The following PPP1R3A variants were observed in gnomAD, a reference collection of about 807,000 sequenced individuals.
The protein encoded by PPP1R3A is RG1.
PPP1R3A carries 29 observed loss-of-function variants against 41.7 expected under a neutral mutation model. The observed-to-expected ratio is 0.70, with a 90% CI of 0.52 to 0.95. The LOEUF (loss-of-function observed/expected upper bound fraction) is 0.95, where lower values mean the gene tolerates loss of function less well. Among genes scored for constraint, PPP1R3A ranks in the 40% least tolerant of loss-of-function variants. The probability of loss-of-function intolerance (pLI) is 0.00; values close to 1 mark genes in which losing one functional copy is unlikely to be tolerated. For missense variants in PPP1R3A, 1,352 were observed against 1,292.4 expected (o/e 1.05, Z -0.71); for synonymous variants, 485 against 453.4 (o/e 1.07, Z -0.89).
In PPP1R3A at chr7:113,878,464, A is replaced by G; in HGVS notation, c.2628T>C (p.Phe876=). Residue 876 remains phenylalanine (F), a synonymous_variant, in exon 4 of 4, where the codon TTT becomes TTC. Coordinates refer to ENST00000284601, the MANE Select transcript of PPP1R3A (RefSeq NM_002711.4). ...CCTGCCTAAGATCTCTGTTTTCTGA[A>G]AATACAGTTTTGTCTGTTGGTAACA... ...LGMLPTDKTV[F]SENRDLRQVQ... 1.9e-6 allele frequency: 3 copies of G among 1,612,970 alleles called. No homozygotes were observed. Among genetic ancestry groups the G allele is most frequent in the Non-Finnish European group, 2.5e-6 (3 of 1,179,694 alleles).
chr7:113,913,210 G>A (rs1208784985), intron 1 of PPP1R3A, among the ~76,000 whole-genome samples: 2 of 152,062 alleles, frequency 1.3e-5, no homozygotes, highest in Non-Finnish European at 2.9e-5. Flanking sequence ...CAAAGGCCTC[G>A]TGGGGCTATT....
rs917846435 is a variant in PPP1R3A, at chr7:113,877,298, A to C, written c.*425T>G. On this transcript the variant is annotated 3_prime_UTR_variant, in exon 4 of 4. Coordinates refer to ENST00000284601, the MANE Select transcript of PPP1R3A (RefSeq NM_002711.4). ...ATGTTCAATACTAAAAGACCAAAAA[A>C]GTCCTCTGCCATTGTCCATGTTTTA... 2 of 154,656 alleles carry C rather than the reference A, an allele frequency of 1.3e-5. No individual in the cohort carries two copies. Among genetic ancestry groups the C allele is most frequent in the Non-Finnish European group, 2.9e-5 (2 of 69,894 alleles). 9.6% of individuals were successfully genotyped at this position (154,656 alleles called of 1,614,324 possible). A position where few individuals can be genotyped will look rare whatever the true frequency, so the allele number is the denominator to read the frequency against.
Position 113,879,439 on chromosome 7 carries a change from A to G in PPP1R3A, c.1653T>C (p.Ser551=). Residue 551 remains serine, a synonymous_variant, in exon 4 of 4, where the codon AGT becomes AGC. Transcript: ENST00000284601. ...QERKMGNPKI[S]VAGIGASNRD... ...TGTTACTAGCTCCAATCCCTGCCAC[A>G]CTTATTTTAGGGTTACCCATCTTCC... The G allele has an allele frequency of 6.2e-7, 1 of 1,613,452 alleles. No homozygotes were observed. Among genetic ancestry groups the G allele is most frequent in the Non-Finnish European group, 8.5e-7 (1 of 1,179,694 alleles).
chr7:113,880,733 C>T (rs1796677883), intron 3 of PPP1R3A, among the ~76,000 whole-genome samples: 1 of 149,268 alleles, frequency 6.7e-6, no homozygotes, highest in Non-Finnish European at 1.5e-5. Context: ...TTTTTCTCCT[C>T]ATAACTGACA....
chr7:113,886,776 C>T (rs570830567), intron 1 of PPP1R3A, among the ~76,000 whole-genome samples: 1 of 152,152 alleles, frequency 6.6e-6, no homozygotes, highest in South Asian at 2.1e-4. Flanking sequence ...CCAATTAGAT[C>T]TAAAGAGTTG....
intron 1 of PPP1R3A, among the ~76,000 whole-genome samples, chr7:113,907,652 C>A (rs895025890): frequency 6.6e-6 from 1 of 151,536 alleles, no homozygotes; most frequent in African/African-American, 2.4e-5. Context: ...TATGAATTAA[C>A]TGAAGTGTTT....
chr7:113,881,165 A>G (rs1306803036), intron 3 of PPP1R3A, among the ~76,000 whole-genome samples: 1 of 152,050 alleles, frequency 6.6e-6, no homozygotes, highest in Non-Finnish European at 1.5e-5. Context: ...AGTTGGAGCA[A>G]AGTAAATTGC....
At chr7:113,908,339 CGTGT>C (rs560116555) in intron 1 of PPP1R3A, among the ~76,000 whole-genome samples, 12 of 151,454 alleles carry the variant, frequency 7.9e-5, no homozygotes, top group Admixed American at 6.6e-4. Flanking sequence ...TGTGCACACA[CGTGT>C]GTGTGTGTGT....
In PPP1R3A at chr7:113,879,203, T is replaced by C; in HGVS notation, c.1889A>G (p.Tyr630Cys). The change falls in exon 4 of 4, where the codon TAT (tyrosine) becomes TGT (cysteine). Residue 630 changes from tyrosine to cysteine, a missense_variant. Coordinates refer to ENST00000284601, the MANE Select transcript of PPP1R3A (RefSeq NM_002711.4). ...TGATTTTTCTTCAACTTGGAAAAGA[T>C]AATCATTCCTCAAAACATTTCCAGT... ...SRTGNVLRNDYLFQVEEKSGG... is the reference protein window; with the variant it reads ...SRTGNVLRNDCLFQVEEKSGG... 4 of 1,613,636 alleles carry C rather than the reference T, an allele frequency of 2.5e-6. No homozygotes were observed. The highest frequency in any genetic ancestry group is 3.4e-6 in the Non-Finnish European group (4 of 1,179,750).
intron 1 of PPP1R3A, among the ~76,000 whole-genome samples, chr7:113,890,510 A>T (rs918315404): frequency 3.3e-5 from 5 of 152,174 alleles, no homozygotes; most frequent in Admixed American, 3.3e-4. Context: ...GCAGACAGAC[A>T]CTCAGACTCC....
rs1247090198 is a variant in PPP1R3A, at chr7:113,879,899, T to C, written c.1193A>G (p.Asp398Gly). The C allele has an allele frequency of 3.1e-6, 5 of 1,613,568 alleles. No homozygotes were observed. Among genetic ancestry groups the C allele is most frequent in the Non-Finnish European group, 4.2e-6 (5 of 1,179,674 alleles). ...FYCNEKYSSG[D>G]DCTHQPSEET... ...CTCTGAAGGTTGATGTGTACAGTCATCTCCTGAGGAATATTTTTCATTGCA... is the reference window on the plus strand; with the variant it reads ...CTCTGAAGGTTGATGTGTACAGTCACCTCCTGAGGAATATTTTTCATTGCA... Residue 398 changes from aspartate to glycine, a missense_variant, in exon 4 of 4, where the codon GAT (aspartate) becomes GGT (glycine). Physicochemically the swap from Asp to Gly is moderately conservative, Grantham distance 94 (BLOSUM62 -1). Coordinates refer to ENST00000284601, the MANE Select transcript of PPP1R3A (RefSeq NM_002711.4).
intron 1 of PPP1R3A, among the ~76,000 whole-genome samples, chr7:113,883,799 T>C (rs1461120301): frequency 6.6e-6 from 1 of 151,962 alleles, no homozygotes; most frequent in Non-Finnish European, 1.5e-5. Context: ...AGAAAAATAG[T>C]CAAAGATTTT....
Position 113,918,611 on chromosome 7 carries a change from A to G in PPP1R3A, c.386T>C (p.Ile129Thr). 6.2e-7 allele frequency: 1 copy of G among 1,613,642 alleles called. No homozygotes were observed. The part of the protein sequence containing the change: ...LMQQLQIQKA[I>T]LESTESLLGS... The stretch of plus-strand genomic sequence containing the variant: ...AAGAAGAGACTCAGTTGACTCCAGT[A>G]TTGCTTTCTGTATTTGGAGTTGTTG... The change falls in exon 1 of 4, where the codon ATA (isoleucine) becomes ACA (threonine). Residue 129 changes from isoleucine to threonine, a missense_variant. Physicochemically the swap from Ile to Thr is moderately conservative, Grantham distance 89. Transcript: ENST00000284601.
In PPP1R3A at chr7:113,878,859, A is replaced by G. The variant is rs1280065532; in HGVS notation, c.2233T>C (p.Ser745Pro). The G allele has an allele frequency of 1.9e-6, 3 of 1,613,168 alleles. No homozygotes were observed. Residue 745 changes from serine (S) to proline (P), a missense_variant, in exon 4 of 4, where the codon TCT becomes CCT. Transcript: ENST00000284601. ...TTSESTPESM[S>P]AREKAIIAKL... The stretch of plus-strand genomic sequence containing the variant: ...GCAATTATTGCTTTTTCTCTAGCAG[A>G]CATGCTTTCTGGAGTACTTTCTGAT...
At chr7:113,896,948 C>T (rs1796986311) in intron 1 of PPP1R3A, among the ~76,000 whole-genome samples, 1 of 151,826 alleles carries the variant, frequency 6.6e-6, no homozygotes, top group South Asian at 2.1e-4. Flanking sequence ...TACATTCCTG[C>T]AACAGAATTA....
intron 1 of PPP1R3A, among the ~76,000 whole-genome samples, chr7:113,905,432 T>A (rs1237823765): frequency 3.3e-5 from 5 of 151,780 alleles, no homozygotes; most frequent in African/African-American, 4.8e-5. Flanking sequence ...AGCCCTTGCC[T>A]ACAATAATCA....
chr7:113,916,370 A>AT (rs1797343563), intron 1 of PPP1R3A, among the ~76,000 whole-genome samples: 1 of 152,070 alleles, frequency 6.6e-6, no homozygotes, highest in Admixed American at 6.6e-5. Flanking sequence ...GTATGTGTGG[A>AT]TACATATAGT....
rs114872743 is a variant in PPP1R3A, at chr7:113,892,054, A to G, written c.783-9734T>C. On this transcript the variant is annotated intron_variant, in intron 1 of 3. Coordinates refer to ENST00000284601, the MANE Select transcript of PPP1R3A (RefSeq NM_002711.4). ...TAACACTCAGCCTGAAAGTGCTCAG[A>G]ATTTTCTAAACAGGACCAAACTTGG... 2.8e-3 allele frequency among the ~76,000 whole-genome samples: 425 copies of G among 152,162 alleles called. 2 individuals are homozygous for G. Among genetic ancestry groups the G allele is most frequent in the African/African-American group, 9.8e-3 (406 of 41,544 alleles).
chr7:113,910,732 T>C (rs1204501470), intron 1 of PPP1R3A, among the ~76,000 whole-genome samples: 4 of 152,148 alleles, frequency 2.6e-5, no homozygotes, highest in Non-Finnish European at 5.9e-5. Flanking sequence ...TTTTTAGAAA[T>C]GAAAATCAGC....
Sources: gnomAD v4.1 joint callset for allele counts (sites outside exome capture counted in the v4.1 genomes callset) on GRCh38, gnomAD v4.1.1 for gene constraint, MANE v1.5 for transcripts, NCBI Gene and HGNC (gene_info 2026-07-23, HGNC 2026-07-21) for gene names.